The following UBE2G1 variants were observed in gnomAD, a reference collection of about 807,000 sequenced individuals.
UBE2G1 encodes the protein ubiquitin conjugating enzyme E2 G1.
In UBE2G1, 5 loss-of-function variants were observed where a neutral mutation model predicts 22.7. The ratio of observed to expected loss-of-function variants is 0.22; its 90% confidence interval spans 0.12 to 0.46. The LOEUF (loss-of-function observed/expected upper bound fraction) is 0.46. Among genes scored for constraint, UBE2G1 ranks in the 20% least tolerant of loss-of-function variants. The pLI, the probability that UBE2G1 is intolerant of heterozygous loss-of-function variation, is 0.99. For missense variants in UBE2G1, 88 were observed against 203.9 expected (o/e 0.43, Z 3.46); for synonymous variants, 74 against 67.5 (o/e 1.10, Z -0.47).
chr17:4,340,894 T>TAAAAAA (rs778447316), intron 1 of UBE2G1, among the ~76,000 whole-genome samples: 2 of 111,074 alleles, frequency 1.8e-5, no homozygotes, highest in Non-Finnish European at 1.8e-5. Context: ...TTCACGTATT[T>TAAAAAA]AAAAAAAAAA....
intron 1 of UBE2G1, among the ~76,000 whole-genome samples, chr17:4,325,062 G>A (rs1969488241): frequency 1.3e-5 from 2 of 151,710 alleles, no homozygotes; most frequent in South Asian, 4.2e-4. Flanking sequence ...GGGGGACAGA[G>A]CGAGACTCCG....
chr17:4,346,431 CTTT>C (rs67852481), intron 1 of UBE2G1, among the ~76,000 whole-genome samples: 32 of 120,510 alleles, frequency 2.7e-4, no homozygotes, highest in Middle Eastern at 4.1e-3. Flanking sequence ...TTTTCTTCTT[CTTT>C]TTTTTTTTTT....
chr17:4,273,694 T>C (rs1968786562), intron 5 of UBE2G1, among the ~76,000 whole-genome samples: 1 of 150,060 alleles, frequency 6.7e-6, no homozygotes, highest in African/African-American at 2.5e-5. Context: ...GAGTCTTTAT[T>C]ATATTAATAT....
intron 1 of UBE2G1, among the ~76,000 whole-genome samples, chr17:4,362,543 C>A (rs1168903396): frequency 1.3e-5 from 2 of 152,106 alleles, no homozygotes; most frequent in African/African-American, 4.8e-5. Flanking sequence ...ACCCAAGGAA[C>A]CATTTTGTTC....
At position 4,269,785 on chromosome 17, in the gene UBE2G1, T is replaced by C. The variant is rs1045327704; in HGVS notation, c.*2769A>G. On this transcript the variant is annotated 3_prime_UTR_variant, in exon 6 of 6. Coordinates refer to ENST00000396981, the MANE Select transcript of UBE2G1 (RefSeq NM_003342.5). ...AAATTTAGGAAACAGCCAACAGTTC[T>C]ACAATCCATAAGATCTATGGAGATG... The C allele has an allele frequency of 3.2e-5, 6 of 185,772 alleles. No individual in the cohort carries two copies. Among genetic ancestry groups the C allele is most frequent in the Middle Eastern group, 2.9e-3 (1 of 340 alleles). 11.5% of individuals were successfully genotyped at this position (185,772 alleles called of 1,614,324 possible). A position where few individuals can be genotyped will look rare whatever the true frequency, so the allele number is the denominator to read the frequency against.
At chr17:4,281,934 T>G (rs1392836346) in intron 5 of UBE2G1, among the ~76,000 whole-genome samples, 1 of 152,076 alleles carries the variant, frequency 6.6e-6, no homozygotes, top group Admixed American at 6.5e-5. Flanking sequence ...TATTTCCTCT[T>G]CTAAGGTGGA....
At chr17:4,333,074 T>C (rs533523306) in intron 1 of UBE2G1, among the ~76,000 whole-genome samples, 2 of 152,210 alleles carry the variant, frequency 1.3e-5, no homozygotes, top group East Asian at 3.8e-4. Flanking sequence ...TAAAAATATG[T>C]ATCACTTTAG....
intron 1 of UBE2G1, among the ~76,000 whole-genome samples, chr17:4,310,013 T>C (rs796681155): frequency 2.4e-4 from 37 of 152,324 alleles, no homozygotes; most frequent in Admixed American, 1.6e-3. Flanking sequence ...AAAAGCAATG[T>C]TGAAAAATGT....
intron 1 of UBE2G1, among the ~76,000 whole-genome samples, chr17:4,329,109 GAAAAAA>G (rs56962666): frequency 3.5e-4 from 32 of 91,738 alleles, no homozygotes; most frequent in Non-Finnish European, 5.4e-4. Flanking sequence ...GTCTCAAAAA[GAAAAAA>G]AAAAAAAAAA....
intron 1 of UBE2G1, among the ~76,000 whole-genome samples, chr17:4,342,410 A>G (rs1377758931): frequency 1.3e-5 from 2 of 152,172 alleles, no homozygotes; most frequent in East Asian, 3.8e-4. Flanking sequence ...TGGACAACAA[A>G]GTGAGACCCC....
intron 1 of UBE2G1, among the ~76,000 whole-genome samples, chr17:4,329,823 T>C (rs1371849404): frequency 1.0e-5 from 1 of 99,906 alleles, no homozygotes; most frequent in East Asian, 2.1e-4. Flanking sequence ...TTTTTAAAGG[T>C]ATGCTTTTTT....
Position 4,361,083 on chromosome 17 carries a change from C to T in UBE2G1, c.46+5188G>A, listed in dbSNP as rs145134068. On this transcript the variant is annotated intron_variant, in intron 1 of 5. Coordinates refer to ENST00000396981, the MANE Select transcript of UBE2G1 (RefSeq NM_003342.5). ...ACTAAAACTACAAAAATTAGCTGGG[C>T]GTGGTGGTGGACACCTGTAATCTCA... 2.6e-3 allele frequency among the ~76,000 whole-genome samples: 399 copies of T among 151,508 alleles called. 3 individuals are homozygous for T. In the East Asian group the frequency reaches 0.028, roughly 11 times the overall value.
chr17:4,282,761 C>CA (rs1968910506), intron 5 of UBE2G1, 37 bp downstream of exon 5: 13 of 1,418,730 alleles, frequency 9.2e-6, no homozygotes, highest in African/African-American at 1.5e-5. Context: ...AGGATACTTA[C>CA]AAAAAAACAA....
intron 1 of UBE2G1, chr17:4,345,898 C>T (rs1161507079): frequency 6.6e-6 from 1 of 152,096 alleles, no homozygotes; most frequent in Non-Finnish European, 1.5e-5. Flanking sequence ...AGAAAACAAC[C>T]TACAGTTCTA....
At chr17:4,329,853 G>A (rs747707778) in intron 1 of UBE2G1, among the ~76,000 whole-genome samples, 23 of 148,918 alleles carry the variant, frequency 1.5e-4, no homozygotes, top group East Asian at 5.9e-4. Flanking sequence ...TTATAGTAAC[G>A]TCAGTAAGGT....
chr17:4,315,899 T>C (rs1434682445), intron 1 of UBE2G1, among the ~76,000 whole-genome samples: 28 of 142,970 alleles, frequency 2.0e-4, no homozygotes, highest in Admixed American at 8.5e-4. Context: ...CTCCACCTCC[T>C]GGGTTCACGC....
intron 1 of UBE2G1, among the ~76,000 whole-genome samples, chr17:4,317,055 A>G (rs1969383959): frequency 6.6e-6 from 1 of 151,926 alleles, no homozygotes; most frequent in Admixed American, 6.6e-5. Context: ...GCTTGGCACT[A>G]TAGTGATACC....
chr17:4,277,693 T>C (rs1968836745), intron 5 of UBE2G1, among the ~76,000 whole-genome samples: 1 of 152,226 alleles, frequency 6.6e-6, no homozygotes, highest in South Asian at 2.1e-4. Context: ...AATCTTAAAT[T>C]GATTTCACTT....
intron 1 of UBE2G1, among the ~76,000 whole-genome samples, chr17:4,324,416 G>C (rs1032163615): frequency 5.3e-5 from 8 of 152,100 alleles, no homozygotes; most frequent in Non-Finnish European, 1.0e-4. Context: ...GGTATATTGA[G>C]TTAAATGAAT....
Sources: allele counts gnomAD v4.1 joint callset (sites outside exome capture counted in the v4.1 genomes callset), GRCh38; gene constraint gnomAD v4.1.1; transcripts MANE v1.5; gene names NCBI Gene and HGNC (gene_info 2026-07-23, HGNC 2026-07-21).